The following ST8SIA1 variants were observed in gnomAD, a reference collection of about 807,000 sequenced individuals.
ST8SIA1 encodes the protein alpha-N-acetylneuraminide alpha-2,8-sialyltransferase.
Under a neutral mutation model 35.9 loss-of-function variants are expected in ST8SIA1, and 16 were observed. The observed-to-expected ratio is 0.45, with a 90% CI of 0.30 to 0.68. The LOEUF is 0.68. ST8SIA1 is among the 30% of genes least tolerant of loss of function. ST8SIA1 has a pLI of 0.09. For missense variants in ST8SIA1, 383 were observed against 453.6 expected, an observed-to-expected ratio of 0.84 and a Z score of 1.41; for synonymous variants, 170 against 169.6, an observed-to-expected ratio of 1.00 and a Z score of -0.02.
At chr12:22,232,566 T>A (rs1865432009) in intron 4 of ST8SIA1, among the ~76,000 whole-genome samples, 3 of 151,902 alleles carry the variant, frequency 2.0e-5, no homozygotes, top group Admixed American at 1.3e-4. Flanking sequence ...AAGCTGGGAG[T>A]TAGGTATATG....
intron 1 of ST8SIA1, among the ~76,000 whole-genome samples, chr12:22,314,242 G>A (rs752127163): frequency 6.6e-6 from 1 of 152,008 alleles, no homozygotes; most frequent in South Asian, 2.1e-4. Flanking sequence ...TACCCTTCAC[G>A]GTATGTTTTT....
chr12:22,299,553 T>A (rs1259239695), intron 1 of ST8SIA1, among the ~76,000 whole-genome samples: 1 of 152,066 alleles, frequency 6.6e-6, no homozygotes, highest in East Asian at 1.9e-4. Flanking sequence ...ATAAATCCAA[T>A]AAGATGATTT....
chr12:22,234,201 A>T (rs1591830644), intron 4 of ST8SIA1, among the ~76,000 whole-genome samples: 1 of 151,746 alleles, frequency 6.6e-6, no homozygotes, highest in East Asian at 1.9e-4. Flanking sequence ...CAGAGGTTAC[A>T]GTGAGCTGAG....
chr12:22,203,810 A>G (rs994358229), intron 4 of ST8SIA1, among the ~76,000 whole-genome samples: 12 of 152,092 alleles, frequency 7.9e-5, no homozygotes, highest in Admixed American at 2.0e-4. Flanking sequence ...TCCCAATCAT[A>G]TAGACACACT....
chr12:22,262,141 A>G (rs1865800142), intron 2 of ST8SIA1, among the ~76,000 whole-genome samples: 1 of 152,120 alleles, frequency 6.6e-6, no homozygotes. Flanking sequence ...AAAAATTAGG[A>G]TCTTTGGTGT....
intron 1 of ST8SIA1, among the ~76,000 whole-genome samples, chr12:22,317,895 G>C (rs1866540328): frequency 6.6e-6 from 1 of 152,140 alleles, no homozygotes; most frequent in Non-Finnish European, 1.5e-5. Flanking sequence ...TATTTCTGTA[G>C]ACACAGCTGT....
intron 2 of ST8SIA1, among the ~76,000 whole-genome samples, chr12:22,283,723 G>A (rs1866062946): frequency 6.6e-6 from 1 of 152,122 alleles, no homozygotes; most frequent in Admixed American, 6.5e-5. Flanking sequence ...TCAAGCAAGG[G>A]TACTGCAGGG....
At chr12:22,256,792 G>T (rs1419217925) in intron 2 of ST8SIA1, among the ~76,000 whole-genome samples, 2 of 152,156 alleles carry the variant, frequency 1.3e-5, no homozygotes, top group African/African-American at 4.8e-5. Context: ...GCATTTGCCA[G>T]CAGAGAGTTA....
At chr12:22,224,679 A>T (rs1486217698) in intron 4 of ST8SIA1, among the ~76,000 whole-genome samples, 2 of 152,200 alleles carry the variant, frequency 1.3e-5, no homozygotes, top group Non-Finnish European at 2.9e-5. Context: ...CAAATGTATA[A>T]ATCATTTTTC....
chr12:22,302,045 C>T (rs1043018949), intron 1 of ST8SIA1, among the ~76,000 whole-genome samples: 2 of 152,142 alleles, frequency 1.3e-5, no homozygotes, highest in Admixed American at 1.3e-4. Context: ...ATCAGTCCTA[C>T]CATGATTTGT....
At chr12:22,257,540 T>C (rs974987683) in intron 2 of ST8SIA1, among the ~76,000 whole-genome samples, 2 of 151,756 alleles carry the variant, frequency 1.3e-5, no homozygotes, top group Non-Finnish European at 2.9e-5. Context: ...ACTGCAATTT[T>C]AATAGGGTGA....
Position 22,274,242 on chromosome 12 carries a change from T to C in ST8SIA1, c.381+12907A>G, listed in dbSNP as rs928285540. ...ATCCTAAAAATCAATGGGAAGACAA[T>C]CAAGGGTTTTAAGCAAAATGATTGC... On this transcript the variant is annotated intron_variant, in intron 2 of 4. Coordinates refer to ENST00000396037, the MANE Select transcript of ST8SIA1 (RefSeq NM_003034.4). Among the ~76,000 whole-genome samples the C allele has an allele frequency of 2.0e-5, 3 of 152,132 alleles. No individual in the cohort carries two copies. The East Asian group carries it at 5.8e-4, about 29-fold the overall frequency.
At chr12:22,229,911 C>A (rs1865398857) in intron 4 of ST8SIA1, among the ~76,000 whole-genome samples, 1 of 152,026 alleles carries the variant, frequency 6.6e-6, no homozygotes, top group Non-Finnish European at 1.5e-5. Context: ...GAAAGGAAAA[C>A]CAACAAAGGA....
At chr12:22,295,920 A>C (rs1591847625) in intron 1 of ST8SIA1, among the ~76,000 whole-genome samples, 1 of 152,154 alleles carries the variant, frequency 6.6e-6, no homozygotes, top group Non-Finnish European at 1.5e-5. Flanking sequence ...TAGCATATGG[A>C]GGGCAGCTTT....
chr12:22,229,371 C>T (rs967555288), intron 4 of ST8SIA1, among the ~76,000 whole-genome samples: 13 of 151,968 alleles, frequency 8.6e-5, no homozygotes, highest in African/African-American at 1.5e-4. Flanking sequence ...AATCCCAAAA[C>T]TTTGGGAGGC....
At chr12:22,299,221 A>G (rs1866287024) in intron 1 of ST8SIA1, among the ~76,000 whole-genome samples, 1 of 152,206 alleles carries the variant, frequency 6.6e-6, no homozygotes, top group Non-Finnish European at 1.5e-5. Context: ...CTTTCTAAAA[A>G]AAGTGTCCTT....
At chr12:22,230,280 A>C (rs2120690591) in intron 4 of ST8SIA1, among the ~76,000 whole-genome samples, 1 of 152,284 alleles carries the variant, frequency 6.6e-6, no homozygotes, top group Non-Finnish European at 1.5e-5. Context: ...TTGCCATGAC[A>C]TGTAAACCAT....
intron 1 of ST8SIA1, chr12:22,325,765 T>G (rs959096463): frequency 3.0e-6 from 2 of 656,036 alleles, no homozygotes; most frequent in Non-Finnish European, 5.4e-6. Context: ...CAATAATAAC[T>G]AATAATAAAA....
intron 1 of ST8SIA1, among the ~76,000 whole-genome samples, chr12:22,301,916 T>G (rs1591849582): frequency 6.6e-6 from 1 of 152,206 alleles, no homozygotes; most frequent in African/African-American, 2.4e-5. Flanking sequence ...TAAAAAAATC[T>G]TATCTGAGAT....
Sources: allele counts gnomAD v4.1 joint callset (sites outside exome capture counted in the v4.1 genomes callset), GRCh38; gene constraint gnomAD v4.1.1; transcripts MANE v1.5; gene names NCBI Gene and HGNC (gene_info 2026-07-23, HGNC 2026-07-21).